Variants in RNF220 observed in about 807,000 individuals in gnomAD.
RNF220 encodes the protein E3 ubiquitin-protein ligase RNF220.
RNF220 carries 7 observed loss-of-function variants against 67.1 expected under a neutral mutation model. The observed-to-expected ratio is 0.10, with a 90% confidence interval of 0.06 to 0.20. The LOEUF is 0.20. Ranked by LOEUF, RNF220 falls within the 10% of genes least tolerant of loss-of-function variation. The pLI, the probability that RNF220 is intolerant of heterozygous loss-of-function variation, is 1.00. For missense variants in RNF220, 565 were observed against 740.3 expected (o/e 0.76, Z 2.75); for synonymous variants, 270 against 283.2 (o/e 0.95, Z 0.47).
intron 2 of RNF220, among the ~76,000 whole-genome samples, chr1:44,555,103 CTGT>C (rs1662962506): frequency 6.6e-6 from 1 of 152,160 alleles, no homozygotes; most frequent in Admixed American, 6.5e-5. Context: ...GGGTCTCACT[CTGT>C]TGCCCAGGCT....
intron 2 of RNF220, among the ~76,000 whole-genome samples, chr1:44,527,382 A>G (rs1660458214): frequency 6.6e-6 from 1 of 152,060 alleles, no homozygotes; most frequent in Admixed American, 6.6e-5. Context: ...GGAAGGAAGG[A>G]AGGAAGGGAG....
chr1:44,632,331 A>C lies in RNF220; in HGVS notation c.907-12A>C, dbSNP rs931486157. ...TTTTCTTTTCTTGCATCTGCCCGCG[A>C]TCTTCTCCCAGACCTTTCTGCGAGT... On this transcript the variant is annotated splice_polypyrimidine_tract_variant and intron_variant, in intron 5 of 14. Transcript: ENST00000361799. 3.7e-6 allele frequency: 6 copies of C among 1,613,988 alleles called. No homozygotes were observed. The highest frequency in any genetic ancestry group is 4.2e-6 in the Non-Finnish European group (5 of 1,179,974).
intron 2 of RNF220, among the ~76,000 whole-genome samples, chr1:44,503,096 G>A (rs918386590): frequency 6.6e-6 from 1 of 152,006 alleles, no homozygotes; most frequent in African/African-American, 2.4e-5. Flanking sequence ...CACTTTTGGA[G>A]GCCTAGATGG....
rs1211098725 is a variant in RNF220, at chr1:44,650,569, C to T, written c.1630-135C>T. 34 of 895,344 alleles carry T rather than the reference C, an allele frequency of 3.8e-5. No individual in the cohort carries two copies. The highest frequency in any genetic ancestry group is 8.2e-5 in the African/African-American group (5 of 60,856). 55.5% of individuals were successfully genotyped at this position (895,344 alleles called of 1,614,324 possible). ...TGCCTGCTCACAGAAGCTGCCTATG[C>T]GTCCCCAGCCTGGGCTGACAGGACC... On this transcript the variant is annotated intron_variant, in intron 14 of 14. Transcript: ENST00000361799. The surrounding 1 kb of genome is among the most constrained non-coding windows in gnomAD (Gnocchi z 4.3).
chr1:44,473,093 G>A (rs1181297276), intron 2 of RNF220, among the ~76,000 whole-genome samples: 1 of 152,190 alleles, frequency 6.6e-6, no homozygotes, highest in African/African-American at 2.4e-5. Flanking sequence ...GGCAGGGCAG[G>A]AGGAGGCAGG....
chr1:44,586,386 G>A (rs530634830), intron 2 of RNF220, among the ~76,000 whole-genome samples: 2 of 152,166 alleles, frequency 1.3e-5, no homozygotes, highest in South Asian at 4.1e-4. Flanking sequence ...AAGGTCCCCG[G>A]ATCAGGTCAG....
At chr1:44,406,536 C>G (rs1277187587) in intron 1 of RNF220, among the ~76,000 whole-genome samples, 3 of 152,254 alleles carry the variant, frequency 2.0e-5, no homozygotes, top group Non-Finnish European at 4.4e-5. Context: ...AATTTCTCTT[C>G]TGACTTAAGA....
At chr1:44,646,409 C>T (rs1025030583) in intron 12 of RNF220, among the ~76,000 whole-genome samples, 4 of 152,254 alleles carry the variant, frequency 2.6e-5, no homozygotes, top group African/African-American at 4.8e-5. Context: ...ATGTATGGGC[C>T]GCGGCGCAGG....
At chr1:44,553,311 A>G (rs545261554) in intron 2 of RNF220, among the ~76,000 whole-genome samples, 2 of 152,272 alleles carry the variant, frequency 1.3e-5, no homozygotes, top group South Asian at 2.1e-4. Flanking sequence ...TGTGGTATCC[A>G]TGGTGACTAG....
intron 1 of RNF220, among the ~76,000 whole-genome samples, chr1:44,408,213 A>G (rs892224157): frequency 1.3e-5 from 2 of 152,106 alleles, no homozygotes; most frequent in African/African-American, 4.8e-5. Flanking sequence ...TCCGAGCTGA[A>G]TAATGCACCC....
At chr1:44,507,209 CCTT>C (rs1291046410) in intron 2 of RNF220, among the ~76,000 whole-genome samples, 2 of 152,198 alleles carry the variant, frequency 1.3e-5, no homozygotes, top group Non-Finnish European at 2.9e-5. Flanking sequence ...AGCCAAAACC[CCTT>C]CTTCTGCTTT....
At chr1:44,557,901 T>G (rs1306306758) in intron 2 of RNF220, among the ~76,000 whole-genome samples, 1 of 152,182 alleles carries the variant, frequency 6.6e-6, no homozygotes, top group Non-Finnish European at 1.5e-5. Context: ...CATCGACCCT[T>G]CCCCACTGAG....
chr1:44,482,732 G>A (rs998511604), intron 2 of RNF220, among the ~76,000 whole-genome samples: 1 of 151,518 alleles, frequency 6.6e-6, no homozygotes, highest in East Asian at 1.9e-4. Flanking sequence ...AGTGATTCTC[G>A]TGCCTCAGCC....
At chr1:44,536,967 A>T (rs943287480) in intron 2 of RNF220, among the ~76,000 whole-genome samples, 2 of 69,228 alleles carry the variant, frequency 2.9e-5, no homozygotes, top group Non-Finnish European at 3.1e-5. Context: ...TGCCTCCCCC[A>T]CCCTCCCTCC....
chr1:44,436,151 A>AG (rs1650946855), intron 2 of RNF220, among the ~76,000 whole-genome samples: 1 of 151,742 alleles, frequency 6.6e-6, no homozygotes. Context: ...GAGCGCAGGG[A>AG]GCTCTTGTCT....
intron 2 of RNF220, among the ~76,000 whole-genome samples, chr1:44,430,645 A>G (rs939178132): frequency 1.3e-5 from 2 of 152,148 alleles, no homozygotes; most frequent in African/African-American, 4.8e-5. Context: ...TCCTGGGTTC[A>G]AGCAGTTCTC....
chr1:44,411,929 C>T (rs1353161329), intron 1 of RNF220, 52 bp from the exon 2 acceptor site: 2 of 707,458 alleles, frequency 2.8e-6, no homozygotes, highest in Non-Finnish European at 4.6e-6. Context: ...CCCTTTTTTT[C>T]CTCCCCCTGA....
chr1:44,559,801 A>G (rs369938690), intron 2 of RNF220, among the ~76,000 whole-genome samples: 1 of 152,260 alleles, frequency 6.6e-6, no homozygotes, highest in Admixed American at 6.5e-5. Flanking sequence ...GAGAATGCCC[A>G]CTTCTCTGCA....
At chr1:44,578,376 TG>T (rs1472078713) in intron 2 of RNF220, among the ~76,000 whole-genome samples, 1 of 152,144 alleles carries the variant, frequency 6.6e-6, no homozygotes, top group African/African-American at 2.4e-5. Flanking sequence ...TCTTGAACTC[TG>T]GCCTCAAGTG....
Sources: allele counts gnomAD v4.1 joint callset (sites outside exome capture counted in the v4.1 genomes callset), GRCh38; gene constraint gnomAD v4.1.1; non-coding constraint Gnocchi (gnomAD v3.1); transcripts MANE v1.5; gene names NCBI Gene and HGNC (gene_info 2026-07-23, HGNC 2026-07-21).